Variants in AHI1 observed in about 807,000 individuals in gnomAD.
AHI1 encodes the protein jouberin.
A neutral mutation model predicts 149.3 loss-of-function variants in AHI1; 123 were observed. The ratio of observed to expected loss-of-function variants is 0.82; its 90% confidence interval spans 0.71 to 0.96. AHI1 has a LOEUF of 0.96. Among genes scored for constraint, AHI1 ranks in the 40% least tolerant of loss-of-function variants. The probability of loss-of-function intolerance (pLI) is 0.00; values close to 1 mark genes in which losing one functional copy is unlikely to be tolerated. For missense variants in AHI1, 1,439 were observed against 1,422.7 expected, an observed-to-expected ratio of 1.01 and a Z score of -0.18; for synonymous variants, 475 against 459.8, an observed-to-expected ratio of 1.03 and a Z score of -0.42.
intron 26 of AHI1, among the ~76,000 whole-genome samples, chr6:135,308,152 G>T (rs865823900): frequency 4.6e-5 from 7 of 152,182 alleles, no homozygotes; most frequent in African/African-American, 1.7e-4. Flanking sequence ...AGGAATGATG[G>T]GTGGGAAGTT....
At chr6:135,428,590 A>G (rs745318109) in intron 19 of AHI1, 39 bp downstream of exon 19, 1 of 1,576,910 alleles carries the variant, frequency 6.3e-7, no homozygotes, top group Admixed American at 1.8e-5. Flanking sequence ...AAACCCCTGT[A>G]CCTCCCCAAA....
At chr6:135,395,941 A>G (rs1779151761) in intron 22 of AHI1, among the ~76,000 whole-genome samples, 1 of 151,876 alleles carries the variant, frequency 6.6e-6, no homozygotes, top group Non-Finnish European at 1.5e-5. Flanking sequence ...TGTTCTGTAT[A>G]AGACAATACT....
At chr6:135,405,037 G>T (rs2128498661) in intron 21 of AHI1, 60 bp from the exon 22 acceptor site, 1 of 1,383,036 alleles carries the variant, frequency 7.2e-7, no homozygotes, top group Admixed American at 1.7e-5. Flanking sequence ...TTGACTGTTT[G>T]CAAAACACTC....
chr6:135,479,889 C>T (rs1793324216), intron 5 of AHI1, among the ~76,000 whole-genome samples: 1 of 152,074 alleles, frequency 6.6e-6, no homozygotes, highest in African/African-American at 2.4e-5. Context: ...CTCATGAGTT[C>T]TCCTGAGATC....
chr6:135,361,695 G>A (rs944569330), intron 23 of AHI1, among the ~76,000 whole-genome samples: 5 of 136,338 alleles, frequency 3.7e-5, no homozygotes, highest in Non-Finnish European at 8.1e-5. Context: ...ACACACACAC[G>A]TGTGTATATT....
chr6:135,410,747 G>T (rs1184459769), intron 21 of AHI1, among the ~76,000 whole-genome samples: 1 of 152,088 alleles, frequency 6.6e-6, no homozygotes, highest in Non-Finnish European at 1.5e-5. Context: ...TTCATTAATA[G>T]AAATTCTGTT....
At chr6:135,338,814 T>C (rs1363903257) in intron 24 of AHI1, among the ~76,000 whole-genome samples, 1 of 152,148 alleles carries the variant, frequency 6.6e-6, no homozygotes, top group Non-Finnish European at 1.5e-5. Context: ...TAGCAGTTAC[T>C]AGACAGGGCA....
chr6:135,306,449 G>T (rs1784545335), intron 26 of AHI1, among the ~76,000 whole-genome samples: 1 of 152,190 alleles, frequency 6.6e-6, no homozygotes, highest in African/African-American at 2.4e-5. Context: ...AGTCAACTTG[G>T]AGTAAGAAAT....
intron 24 of AHI1, among the ~76,000 whole-genome samples, chr6:135,329,624 C>T (rs1029629481): frequency 1.3e-5 from 2 of 152,176 alleles, no homozygotes. Flanking sequence ...ATGCCAGCTA[C>T]AACAACAACC....
chr6:135,321,588 A>G (rs543485990), intron 25 of AHI1, among the ~76,000 whole-genome samples: 41 of 152,256 alleles, frequency 2.7e-4, no homozygotes, highest in African/African-American at 9.6e-4. Context: ...TCACGAAGGA[A>G]ATTCTTCCAT....
At chr6:135,426,720 T>C (rs1367293183) in intron 20 of AHI1, among the ~76,000 whole-genome samples, 1 of 151,706 alleles carries the variant, frequency 6.6e-6, no homozygotes, top group East Asian at 1.9e-4. Context: ...TTCCTTATTA[T>C]TTCTCAGAAT....
chr6:135,308,775 G>C (rs1784811705), intron 26 of AHI1, among the ~76,000 whole-genome samples: 1 of 152,176 alleles, frequency 6.6e-6, no homozygotes, highest in African/African-American at 2.4e-5. Flanking sequence ...CGAGAATTTA[G>C]GAAGATATCG....
rs773530746 is a variant in AHI1, at chr6:135,389,307, T to TA, written c.3109+5468dup. 7.7e-3 allele frequency among the ~76,000 whole-genome samples: 743 copies of TA among 96,844 alleles called. 7 individuals are homozygous for TA. The highest frequency in any genetic ancestry group is 0.02 in the African/African-American group (513 of 25,682). 63.5% of individuals were successfully genotyped at this position (96,844 alleles called of 152,430 possible). A position where few individuals can be genotyped will look rare whatever the true frequency, so the allele number is the denominator to read the frequency against. ...CTGGGTGACAGAGCAAGACTCTGTC[T>TA]AAAAAAAAAAAAAAAAAAAAAATAC... is the stretch of plus-strand genomic sequence containing the variant. On this transcript the variant is annotated intron_variant, in intron 23 of 28. Coordinates refer to ENST00000265602, the MANE Select transcript of AHI1 (RefSeq NM_001134831.2).
At chr6:135,428,796 T>C in intron 18 of AHI1, 37 bp from the exon 19 acceptor site, 1 of 1,541,046 alleles carries the variant, frequency 6.5e-7, no homozygotes, top group African/African-American at 1.4e-5. Flanking sequence ...GTAACTGTCT[T>C]AATCATGTAA....
chr6:135,321,912 C>T (rs1786894636), intron 25 of AHI1, among the ~76,000 whole-genome samples: 7 of 152,154 alleles, frequency 4.6e-5, no homozygotes, highest in Admixed American at 4.6e-4. Context: ...CGCGATTCTC[C>T]CGCCTCAGCC....
chr6:135,289,870 G>A (rs1006233730), intron 28 of AHI1, among the ~76,000 whole-genome samples: 1 of 151,804 alleles, frequency 6.6e-6, no homozygotes, highest in African/African-American at 2.4e-5. Context: ...CTACTTAATA[G>A]AGAAAAGGCC....
At chr6:135,448,581 G>T in intron 11 of AHI1, 106 bp from the exon 12 acceptor site, 1 of 880,544 alleles carries the variant, frequency 1.1e-6, no homozygotes, top group Non-Finnish European at 1.6e-6. Context: ...AATATGGCAT[G>T]CTGAAATTTC....
At chr6:135,314,948 T>C (rs1243087683) in intron 26 of AHI1, among the ~76,000 whole-genome samples, 2 of 152,224 alleles carry the variant, frequency 1.3e-5, no homozygotes, top group Non-Finnish European at 1.5e-5. Context: ...TTTTGAAATC[T>C]GCCCTTGCCT....
intron 5 of AHI1, among the ~76,000 whole-genome samples, chr6:135,473,212 C>T (rs1222135612): frequency 6.6e-6 from 1 of 152,050 alleles, no homozygotes; most frequent in Non-Finnish European, 1.5e-5. Context: ...ATTATCCTTG[C>T]CTTTAGTGAA....
Sources: gnomAD v4.1 joint callset for allele counts (sites outside exome capture counted in the v4.1 genomes callset) on GRCh38, gnomAD v4.1.1 for gene constraint, MANE v1.5 for transcripts, NCBI Gene and HGNC (gene_info 2026-07-23, HGNC 2026-07-21) for gene names.